Variants in CEP290 observed in about 807,000 individuals in gnomAD.
CEP290 encodes the protein centrosomal protein 290, also known as centrosomal protein of 290 kDa.
A neutral mutation model predicts 344.9 loss-of-function variants in CEP290; 317 were observed. The ratio of observed to expected loss-of-function variants is 0.92; its 90% CI spans 0.84 to 1.01. The LOEUF (loss-of-function observed/expected upper bound fraction) is 1.01. Ranked by LOEUF, CEP290 falls within the 50% of genes least tolerant of loss-of-function variation. The pLI, the probability that CEP290 is intolerant of heterozygous loss-of-function variation, is 0.00. For synonymous variants in CEP290, 932 were observed against 895.8 expected (o/e 1.04, Z -0.72); for missense variants, 2,754 against 2,761.4 (o/e 1.00, Z 0.06).
At chr12:88,059,439 G>A (rs1028436472) in intron 48 of CEP290, among the ~76,000 whole-genome samples, 1 of 152,034 alleles carries the variant, frequency 6.6e-6, no homozygotes, top group African/African-American at 2.4e-5. Context: ...ATGGAGTCTC[G>A]CTCTGTTGCC....
chr12:88,066,733 C>T (rs1193263326), intron 44 of CEP290, among the ~76,000 whole-genome samples: 1 of 152,102 alleles, frequency 6.6e-6, no homozygotes, highest in Non-Finnish European at 1.5e-5. Flanking sequence ...AACTCCTGGG[C>T]TCAAATGATC....
Position 88,114,479 on chromosome 12 carries a change from G to A in CEP290, c.1993C>T (p.Pro665Ser). The A allele has an allele frequency of 6.5e-7, 1 of 1,547,814 alleles. No individual in the cohort carries two copies. The highest frequency in any genetic ancestry group is 8.7e-7 in the Non-Finnish European group (1 of 1,145,282). ...GATGTTTCTCCTCCTTTAACATCAG[G>A]ATCTTTCTGCATTTCCTTAATTGCT... ...LQAIKEMQKD[P>S]DVKGGETSLI... is the part of the protein sequence containing the mutation. The change falls in exon 20 of 54, where the codon CCT (proline) becomes TCT (serine). Residue 665 changes from proline (P) to serine (S), a missense_variant. Physicochemically the swap from Pro to Ser is moderately conservative, Grantham distance 74 (BLOSUM62 -1). Coordinates refer to ENST00000552810, the MANE Select transcript of CEP290 (RefSeq NM_025114.4).
At chr12:88,061,044 TA>T (rs1236575708) in intron 46 of CEP290, 50 bp from the exon 47 acceptor site, 1 of 1,361,668 alleles carries the variant, frequency 7.3e-7, no homozygotes, top group Non-Finnish European at 9.9e-7. Context: ...GTAAGTATAA[TA>T]CGAAGTACCA....
rs369345609 is a variant in CEP290, at chr12:88,141,343, A to G, written c.-27-9T>C. 2 of 1,380,888 alleles carry G rather than the reference A, an allele frequency of 1.4e-6. No individual in the cohort carries two copies. The highest frequency in any genetic ancestry group is 1.3e-5 in the South Asian group (1 of 78,870). The allele number at this position is 1,380,888 out of a possible 1,614,324, so 85.5% of individuals were successfully genotyped here. ...TTCACTGTGCTCCACCTCTGTAACA[A>G]AACAGGTGTATATTAGCATTTTCAA... On this transcript the variant is annotated splice_polypyrimidine_tract_variant and intron_variant, in intron 1 of 53. Coordinates refer to ENST00000552810, the MANE Select transcript of CEP290 (RefSeq NM_025114.4).
chr12:88,061,112 A>G (rs1378805349), intron 46 of CEP290, 118 bp from the exon 47 acceptor site: 14 of 664,472 alleles, frequency 2.1e-5, no homozygotes, highest in African/African-American at 3.8e-5. Context: ...TCAAAACTGT[A>G]TTAATTCAAT....
intron 30 of CEP290, among the ~76,000 whole-genome samples, chr12:88,089,817 C>G (rs2036887580): frequency 6.6e-6 from 1 of 151,308 alleles, no homozygotes; most frequent in Non-Finnish European, 1.5e-5. Context: ...ACCTCCACCT[C>G]CCGGGTTCAA....
intron 41 of CEP290, among the ~76,000 whole-genome samples, chr12:88,072,288 AGTTTTGACTGT>A (rs66473631): frequency 0.78 from 118,223 of 151,614 alleles, 50,163 homozygotes; most frequent in East Asian, 0.96. Flanking sequence ...CATGAAACAA[AGTTTTGACTGT>A]GTTTTGACTG....
intron 22 of CEP290, among the ~76,000 whole-genome samples, chr12:88,109,690 C>T (rs11829231): frequency 0.014 from 2,142 of 152,186 alleles, 51 homozygotes; most frequent in African/African-American, 0.049. Flanking sequence ...TGTCTGACTC[C>T]AAAGGTCTTG....
chr12:88,055,763 G>T, intron 49 of CEP290, 46 bp from the exon 50 acceptor site: 1 of 1,283,450 alleles, frequency 7.8e-7, no homozygotes, highest in Non-Finnish European at 1.1e-6. Flanking sequence ...AATAATTTAT[G>T]TCACTGATTT....
In CEP290 at chr12:88,050,465, C is replaced by G. The variant is rs2033390109; in HGVS notation, c.7130-32G>C. The G allele has an allele frequency of 9.7e-6, 10 of 1,031,516 alleles. No homozygotes were observed. In the East Asian group the frequency reaches 2.5e-4, roughly 25 times the overall value. 63.9% of individuals were successfully genotyped at this position (1,031,516 alleles called of 1,614,324 possible). On this transcript the variant is annotated intron_variant, in intron 52 of 53. Coordinates refer to ENST00000552810, the MANE Select transcript of CEP290 (RefSeq NM_025114.4). ...AAAAAGTCATACAAATTAGACTCAG[C>G]TTTTTCCCACTACGAATGAGTTCAA...
chr12:88,083,923 T>A lies in CEP290; in HGVS notation c.4736A>T (p.Glu1579Val), dbSNP rs760059883. ...EQREIVKKHE[E>V]DLHILHHRLE... ...TCTGTGATGAAGAATATGAAGGTCT[T>A]CCTCATGTTTCTTCACAATTTCTCT... The change falls in exon 36 of 54, where the codon GAA becomes GTA. Residue 1579 changes from glutamate to valine, a missense_variant. Physicochemically the swap from Glu to Val is moderately radical, Grantham distance 121 (BLOSUM62 -2). Coordinates refer to ENST00000552810, the MANE Select transcript of CEP290 (RefSeq NM_025114.4). 1.6e-5 allele frequency: 26 copies of A among 1,595,466 alleles called. No homozygotes were observed. The highest frequency in any genetic ancestry group is 2.2e-5 in the Non-Finnish European group (26 of 1,169,960).
At chr12:88,080,493 A>G in intron 37 of CEP290, 98 bp from the exon 38 acceptor site, 2 of 833,638 alleles carry the variant, frequency 2.4e-6, no homozygotes, top group Non-Finnish European at 3.6e-6. Flanking sequence ...GCAGCAGCGC[A>G]ATCTCGGCTG....
rs1425716932 is a variant in CEP290 at position 88,141,265 on chromosome 12, G to T, written c.43C>A (p.Pro15Thr). ...INWKEIMKVD[P>T]DDLPRQEELA... ...TCTTCTTGACGGGGCAGGTCATCTGGGTCAACTTTCATTATTTCTTTCCAG... is the reference window on the plus strand; with the variant it reads ...TCTTCTTGACGGGGCAGGTCATCTGTGTCAACTTTCATTATTTCTTTCCAG... The change falls in exon 2 of 54, where the codon CCA becomes ACA. Residue 15 changes from proline to threonine, a missense_variant. Coordinates refer to ENST00000552810, the MANE Select transcript of CEP290 (RefSeq NM_025114.4). 5 of 1,610,772 alleles carry T rather than the reference G, an allele frequency of 3.1e-6. No homozygotes were observed. The highest frequency in any genetic ancestry group is 1.1e-5 in the South Asian group (1 of 90,084).
Position 88,063,973 on chromosome 12 carries a change from A to C in CEP290, c.6270+8T>G. 6.3e-7 allele frequency: 1 copy of C among 1,584,556 alleles called. No homozygotes were observed. Among genetic ancestry groups the C allele is most frequent in the Non-Finnish European group, 8.6e-7 (1 of 1,166,488 alleles). Reference sequence around the variant, plus strand: ...ATTAGATTTCCTAATAAAAAACATTAAATTCACCTTTAATCTTGGCAAATC... The same window carrying C: ...ATTAGATTTCCTAATAAAAAACATTCAATTCACCTTTAATCTTGGCAAATC... On this transcript the variant is annotated splice_region_variant and intron_variant, in intron 45 of 53. Coordinates refer to ENST00000552810, the MANE Select transcript of CEP290 (RefSeq NM_025114.4).
chr12:88,114,898 T>A (rs1229825433), intron 19 of CEP290, among the ~76,000 whole-genome samples, 200 bp downstream of exon 19: 1 of 152,042 alleles, frequency 6.6e-6, no homozygotes, highest in Admixed American at 6.6e-5. Flanking sequence ...TCACAAAAAA[T>A]TCATATTAGT....
At chr12:88,055,213 G>A (rs964158404) in intron 50 of CEP290, among the ~76,000 whole-genome samples, 6 of 152,108 alleles carry the variant, frequency 3.9e-5, no homozygotes, top group African/African-American at 1.4e-4. Flanking sequence ...TAGAAATAGG[G>A]TGAAATAATC....
intron 44 of CEP290, among the ~76,000 whole-genome samples, chr12:88,065,737 CAT>C (rs1214332449): frequency 3.9e-5 from 6 of 152,112 alleles, no homozygotes; most frequent in South Asian, 4.1e-4. Flanking sequence ...GAAGATCTCA[CAT>C]GAGGATATTT....
At chr12:88,138,492 T>A (rs2040462818) in intron 5 of CEP290, among the ~76,000 whole-genome samples, 1 of 152,154 alleles carries the variant, frequency 6.6e-6, no homozygotes, top group Non-Finnish European at 1.5e-5. Context: ...TGACTCCAGA[T>A]CCCCAACTCT....
chr12:88,082,965 C>G (rs1018489879), intron 37 of CEP290, 66 bp downstream of exon 37: 2 of 971,494 alleles, frequency 2.1e-6, no homozygotes, highest in Non-Finnish European at 3.0e-6. Context: ...ATAGCAAACA[C>G]TTATGTTTAT....
Sources: gnomAD v4.1 joint callset for allele counts (sites outside exome capture counted in the v4.1 genomes callset) on GRCh38, gnomAD v4.1.1 for gene constraint, MANE v1.5 for transcripts, NCBI Gene and HGNC (gene_info 2026-07-23, HGNC 2026-07-21) for gene names.